FLCN: variants seen among roughly 807,000 people sequenced by gnomAD.
The protein encoded by FLCN is folliculin.
Under a neutral mutation model 62.5 loss-of-function variants are expected in FLCN, and 22 were observed. That is an observed-to-expected ratio of 0.35 (90% CI 0.25 to 0.50). The LOEUF (loss-of-function observed/expected upper bound fraction) is 0.50. FLCN is among the 20% of genes least tolerant of loss of function. FLCN has a pLI of 0.97. For synonymous variants in FLCN, 319 were observed against 310.0 expected (o/e 1.03, Z -0.30); for missense variants, 657 against 778.0 (o/e 0.84, Z 1.85).
chr17:17,219,005 C>G lies in FLCN; in HGVS notation c.1062+14G>C. On this transcript the variant is annotated intron_variant, in intron 9 of 13. Transcript: ENST00000285071. ...CCTCCTGAGCTCCTGATGCGCTGTGCCCCTGCCGCCTACCTGCCTCATGTG... is the reference window on the plus strand; with the variant it reads ...CCTCCTGAGCTCCTGATGCGCTGTGGCCCTGCCGCCTACCTGCCTCATGTG... 1 of 1,612,270 alleles carries G rather than the reference C, an allele frequency of 6.2e-7. No individual in the cohort carries two copies. The highest frequency in any genetic ancestry group is 8.5e-7 in the Non-Finnish European group (1 of 1,179,762).
intron 2 of FLCN, among the ~76,000 whole-genome samples, 172 bp from the exon 3 acceptor site, chr17:17,232,054 G>C (rs1162998028): frequency 2.0e-5 from 3 of 152,250 alleles, no homozygotes; most frequent in Non-Finnish European, 4.4e-5. Context: ...GGCAGCGGGA[G>C]AGGAAACATA....
intron 4 of FLCN, among the ~76,000 whole-genome samples, chr17:17,227,076 C>T (rs972931519): frequency 2.6e-5 from 4 of 152,230 alleles, no homozygotes; most frequent in Non-Finnish European, 5.9e-5. Context: ...TCCTTACAGG[C>T]AATTCCAGCA....
At chr17:17,213,927 C>G (rs1365495134) in intron 13 of FLCN, 71 bp from the exon 14 acceptor site, 6 of 1,533,890 alleles carry the variant, frequency 3.9e-6, no homozygotes, top group Non-Finnish European at 5.4e-6. Flanking sequence ...CGGGGCCAAC[C>G]AGGGGTGACA....
intron 8 of FLCN, 70 bp from the exon 9 acceptor site, chr17:17,219,279 T>C: frequency 6.6e-7 from 1 of 1,520,596 alleles, no homozygotes; most frequent in Non-Finnish European, 9.1e-7. Context: ...CCCAAGATAC[T>C]TCATGGGCTG....
In FLCN at chr17:17,219,122, C is replaced by T. The variant is rs143483053; in HGVS notation, c.959G>A (p.Arg320Gln). Residue 320 changes from arginine to glutamine, a missense_variant, in exon 9 of 14, where the codon CGG becomes CAG. Arg to Gln is a conservative substitution (Grantham distance 43). Transcript: ENST00000285071. ...APVLPESTEGRELTQGPAESS... is the reference protein window; with the variant it reads ...APVLPESTEGQELTQGPAESS... The stretch of plus-strand genomic sequence containing the variant: ...CTCTGCCGGGCCCTGGGTCAGCTCC[C>T]GCCCTTCTGTACTCTCTGGCAACAC... 1,640 of 1,614,080 alleles carry T rather than the reference C, an allele frequency of 1.0e-3. 2 individuals carry two copies. The highest frequency in any genetic ancestry group is 1.3e-3 in the Non-Finnish European group (1,488 of 1,180,042).
Position 17,215,172 on chromosome 17 carries a change from TG to T in FLCN, c.1432+12del. 6.2e-7 allele frequency: 1 copy of T among 1,614,082 alleles called. No individual in the cohort carries two copies. Among genetic ancestry groups the T allele is most frequent in the Non-Finnish European group, 8.5e-7 (1 of 1,180,006 alleles). ...CTTCTCACAAAAAGGACACTCTGCC[TG>T]GGGGCACCCACCTCGGTCTGCAGCT... On this transcript the variant is annotated intron_variant, in intron 12 of 13. Coordinates refer to ENST00000285071, the MANE Select transcript of FLCN (RefSeq NM_144997.7).
In FLCN at chr17:17,219,453, T is replaced by C. The variant is rs576705821; in HGVS notation, c.872-244A>G. On this transcript the variant is annotated intron_variant, in intron 8 of 13. Transcript: ENST00000285071. ...CTTATGGAAAGACCGTCAGCTGTTC[T>C]CTGCTGGTGAGAAAACTCAAATCAG... The C allele has an allele frequency of 7.3e-4, 371 of 505,070 alleles. 5 individuals carry two copies. In the South Asian group the frequency reaches 7.8e-3, roughly 11 times the overall value. The allele number at this position is 505,070 out of a possible 1,614,324, so 31.3% of individuals were successfully genotyped here.
intron 9 of FLCN, chr17:17,217,518 A>C (rs1362264345): frequency 7.9e-6 from 3 of 379,600 alleles, no homozygotes; most frequent in African/African-American, 6.3e-5. Context: ...TTTGAAAGCA[A>C]GCTGTAGGGC....
chr17:17,218,896 G>C, intron 9 of FLCN, 123 bp downstream of exon 9: 1 of 1,118,454 alleles, frequency 8.9e-7, no homozygotes, highest in Non-Finnish European at 1.3e-6. Flanking sequence ...CACCGAGGAG[G>C]CTGTCAGTCA....
Position 17,214,966 on chromosome 17 carries a change from C to T in FLCN, c.1538+19G>A, listed in dbSNP as rs2144830612. The T allele has an allele frequency of 1.9e-6, 3 of 1,611,084 alleles. No individual in the cohort carries two copies. Among genetic ancestry groups the T allele is most frequent in the Non-Finnish European group, 2.5e-6 (3 of 1,177,730 alleles). Reference sequence around the variant, plus strand: ...TCCAGGGTCGCAAGCAAAGGGGCCTCACCCACACTGTTGCTTACTTCATCC... The same window carrying T: ...TCCAGGGTCGCAAGCAAAGGGGCCTTACCCACACTGTTGCTTACTTCATCC... On this transcript the variant is annotated intron_variant, in intron 13 of 13. Coordinates refer to ENST00000285071, the MANE Select transcript of FLCN (RefSeq NM_144997.7).
rs899167633 is a variant in FLCN at position 17,213,335 on chromosome 17, G to A, written c.*320C>T. On this transcript the variant is annotated 3_prime_UTR_variant, in exon 14 of 14. Coordinates refer to ENST00000285071, the MANE Select transcript of FLCN (RefSeq NM_144997.7). ...TGAGTCGGACCTGTTTCTCCTGCGG[G>A]TTTTGAGTCTAAGTCCACAAGGGGC... The A allele has an allele frequency of 5.9e-6, 3 of 510,468 alleles. No homozygotes were observed. Among genetic ancestry groups the A allele is most frequent in the African/African-American group, 1.9e-5 (1 of 52,542 alleles). 31.6% of individuals were successfully genotyped at this position (510,468 alleles called of 1,614,324 possible).
intron 2 of FLCN, among the ~76,000 whole-genome samples, chr17:17,232,144 G>A (rs2047441207): frequency 6.6e-6 from 1 of 152,204 alleles, no homozygotes; most frequent in Admixed American, 6.5e-5. Flanking sequence ...ACAGGAGAGG[G>A]CAGGGCTGGG....
intron 7 of FLCN, among the ~76,000 whole-genome samples, chr17:17,221,966 G>A (rs1340880590): frequency 1.3e-5 from 2 of 151,584 alleles, no homozygotes; most frequent in Non-Finnish European, 2.9e-5. Context: ...TCAGGAGTCT[G>A]TCCGTTTTGT....
intron 1 of FLCN, among the ~76,000 whole-genome samples, chr17:17,235,139 T>G (rs2047545357): frequency 1.6e-5 from 2 of 128,116 alleles, no homozygotes; most frequent in African/African-American, 6.0e-5. Flanking sequence ...AAGCCAGGCA[T>G]GGTGGTGGTG....
intron 8 of FLCN, 144 bp downstream of exon 8, chr17:17,221,393 G>A (rs2144926596): frequency 6.2e-7 from 1 of 1,613,482 alleles, no homozygotes; most frequent in South Asian, 1.1e-5. Flanking sequence ...ACCGAGATCG[G>A]AGGGTGAGCT....
chr17:17,213,562 A>G lies in FLCN; in HGVS notation c.*93T>C. 6.5e-7 allele frequency: 1 copy of G among 1,540,088 alleles called. No homozygotes were observed. Among genetic ancestry groups the G allele is most frequent in the Non-Finnish European group, 9.0e-7 (1 of 1,116,256 alleles). On this transcript the variant is annotated 3_prime_UTR_variant, in exon 14 of 14. Coordinates refer to ENST00000285071, the MANE Select transcript of FLCN (RefSeq NM_144997.7). ...TCCTTGCTGGGACACAGCTCCTTCC[A>G]GCAGTTGAGAAACTCAAGGGACAGT...
In FLCN at chr17:17,216,869, C is replaced by T; in HGVS notation, c.1176+200G>A. 1 of 642,330 alleles carries T rather than the reference C, an allele frequency of 1.6e-6. No individual in the cohort carries two copies. 39.8% of individuals were successfully genotyped at this position (642,330 alleles called of 1,614,324 possible). On this transcript the variant is annotated intron_variant, in intron 10 of 13. Transcript: ENST00000285071. The surrounding 1 kb of genome is among the most constrained non-coding windows in gnomAD (Gnocchi z 4.0). ...TTCCCTCTCAGGCCTGGGCAGTCAG[C>T]AGGCACACGCATCCTTCTGATGATT... is the stretch of plus-strand genomic sequence containing the variant.
chr17:17,232,289 G>C (rs1359430327), intron 2 of FLCN, among the ~76,000 whole-genome samples: 2 of 152,154 alleles, frequency 1.3e-5, no homozygotes. Flanking sequence ...ACCCTCCCCT[G>C]CCCTGCTTTG....
rs763688092 is a variant in FLCN, at chr17:17,213,763, C to T, written c.1632G>A (p.Glu544=). ...KLLSILGASE[E]DNVKLLKFWM... is the part of the protein sequence containing the mutation. ...AGAACTTCAGCAGCTTGACATTGTC[C>T]TCCTCGGACGCACCCAGGATGCTCA... The change falls in exon 14 of 14, where the codon GAG becomes GAA. Residue 544 remains glutamate, a synonymous_variant. Coordinates refer to ENST00000285071, the MANE Select transcript of FLCN (RefSeq NM_144997.7). 2 of 1,614,118 alleles carry T rather than the reference C, an allele frequency of 1.2e-6. No homozygotes were observed. The highest frequency in any genetic ancestry group is 1.7e-6 in the Non-Finnish European group (2 of 1,180,052).
Sources: gnomAD v4.1 joint callset for allele counts (sites outside exome capture counted in the v4.1 genomes callset) on GRCh38, gnomAD v4.1.1 for gene constraint, Gnocchi (gnomAD v3.1) non-coding constraint, MANE v1.5 for transcripts, NCBI Gene and HGNC (gene_info 2026-07-23, HGNC 2026-07-21) for gene names.